PAK3: variants seen among roughly 807,000 people sequenced by gnomAD.
PAK3 encodes p21 (RAC1) activated kinase 3.
PAK3 carries 4 observed loss-of-function variants against 41.0 expected under a neutral mutation model. The ratio of observed to expected loss-of-function variants is 0.10; its 90% CI spans 0.05 to 0.22. PAK3 has a LOEUF of 0.22. Ranked by LOEUF, PAK3 falls within the 10% of genes least tolerant of loss-of-function variation. The pLI, the probability that PAK3 is intolerant of heterozygous loss-of-function variation, is 1.00. For synonymous variants in PAK3, 146 were observed against 139.6 expected (o/e 1.05, Z -0.32); for missense variants, 205 against 409.9 (o/e 0.50, Z 4.32).
rs1298650694 is a variant in PAK3, at chrX:111,209,989, C to T, written c.1408-6432C>T. Reference sequence around the variant, plus strand: ...TTTTCTCTTAGTACTTAGGTAAATTCAGTTGCACATCAGTGTCAGTGGAAA... The same window carrying T: ...TTTTCTCTTAGTACTTAGGTAAATTTAGTTGCACATCAGTGTCAGTGGAAA... On this transcript the variant is annotated intron_variant, in intron 16 of 17. Transcript: ENST00000372007. 2.7e-5 allele frequency among the ~76,000 whole-genome samples: 3 copies of T among 111,654 alleles called. No individual in the cohort carries two copies. The South Asian group carries it at 1.1e-3, about 42-fold the overall frequency.
At chrX:111,183,899 A>G (rs936073945) in intron 11 of PAK3, among the ~76,000 whole-genome samples, 11 of 111,607 alleles carry the variant, frequency 9.9e-5, no homozygotes, top group Admixed American at 1.9e-4. Context: ...TCGCATTTTA[A>G]TTGATGATGG....
chrX:111,025,209 C>A (rs1229842430), intron 1 of PAK3, among the ~76,000 whole-genome samples: 1 of 110,362 alleles, frequency 9.1e-6, no homozygotes, highest in Non-Finnish European at 1.9e-5. Context: ...TGAAAGAGCA[C>A]AAATCTAAGA....
chrX:110,947,972 A>G (rs1445403832), intron 1 of PAK3, among the ~76,000 whole-genome samples: 1 of 112,185 alleles, frequency 8.9e-6, no homozygotes, highest in Non-Finnish European at 1.9e-5. Flanking sequence ...CTTAGAAGAA[A>G]GGCTGTATGT....
intron 1 of PAK3, among the ~76,000 whole-genome samples, chrX:111,077,129 C>G (rs2092792574): frequency 9.0e-6 from 1 of 111,370 alleles, no homozygotes; most frequent in Admixed American, 9.5e-5. Flanking sequence ...ACACTGAAAA[C>G]TATAAAATAT....
At chrX:111,168,805 T>G (rs1465779545) in intron 10 of PAK3, among the ~76,000 whole-genome samples, 1 of 111,881 alleles carries the variant, frequency 8.9e-6, no homozygotes, top group Non-Finnish European at 1.9e-5. Flanking sequence ...AACTTAATAG[T>G]TAAACTTTTT....
rs1173289472 is a variant in PAK3, at chrX:111,220,934, A to G, written c.*487A>G. 5 of 86,708 alleles carry G rather than the reference A, an allele frequency of 5.8e-5. No homozygotes were observed. The highest frequency in any genetic ancestry group is 2.0e-4 in the African/African-American group (5 of 25,259). The allele number at this position is 86,708 out of a possible 1,213,427, so 7.1% of individuals were successfully genotyped here. ...ATGTTTTTCTAAAAAAAGAAAGCAA[A>G]AAAAGCAAGGCAAAAAAAAAAAAAA... On this transcript the variant is annotated 3_prime_UTR_variant, in exon 18 of 18. Coordinates refer to ENST00000372007, the MANE Select transcript of PAK3 (RefSeq NM_002578.5).
chrX:111,140,760 CACT>C (rs1362101887), intron 5 of PAK3, among the ~76,000 whole-genome samples: 1 of 111,773 alleles, frequency 8.9e-6, no homozygotes, highest in Non-Finnish European at 1.9e-5. Flanking sequence ...TAGTTCCTCT[CACT>C]ACTTCAGTTT....
intron 1 of PAK3, among the ~76,000 whole-genome samples, chrX:110,965,073 G>T (rs954160251): frequency 6.3e-5 from 7 of 111,915 alleles, no homozygotes; most frequent in African/African-American, 2.3e-4. Flanking sequence ...TCCAGACAGG[G>T]AGCTGATTAT....
chrX:110,973,483 G>T (rs949289737), intron 1 of PAK3, among the ~76,000 whole-genome samples: 1 of 111,780 alleles, frequency 8.9e-6, no homozygotes, highest in Non-Finnish European at 1.9e-5. Context: ...AAGTGAAGGA[G>T]AAATGAAATC....
chrX:111,195,135 GAT>G (rs2094599748), intron 14 of PAK3, among the ~76,000 whole-genome samples: 1 of 111,786 alleles, frequency 8.9e-6, no homozygotes, highest in Non-Finnish European at 1.9e-5. Context: ...GAAAACCAAT[GAT>G]AGAAAAACAA....
intron 16 of PAK3, among the ~76,000 whole-genome samples, chrX:111,199,967 CTGTGTTT>C (rs1226574641): frequency 3.6e-5 from 4 of 111,552 alleles, no homozygotes; most frequent in Non-Finnish European, 7.5e-5. Flanking sequence ...TTAATAGAAG[CTGTGTTT>C]TGTGTCTATA....
At chrX:111,145,015 C>G in intron 6 of PAK3, 1 of 514,620 alleles carries the variant, frequency 1.9e-6, no homozygotes, top group South Asian at 3.2e-5. Context: ...ACTGGACAAC[C>G]CCCAGCTTAA....
At position 111,045,190 on chromosome X, in the gene PAK3, G is replaced by T. The variant is rs182252076; in HGVS notation, c.-27-77887G>T. 7.1e-5 allele frequency among the ~76,000 whole-genome samples: 8 copies of T among 112,110 alleles called. No homozygotes were observed. In the East Asian group the frequency reaches 2.0e-3, roughly 28 times the overall value. On this transcript the variant is annotated intron_variant, in intron 1 of 14. Transcript: ENST00000425146. ...TCTGTCTGGAAAGATGCCAATAAGG[G>T]CAAGCAATTGGAAAGGTGCCCAAAA...
At chrX:111,199,632 G>C (rs949538936) in intron 16 of PAK3, among the ~76,000 whole-genome samples, 1 of 111,545 alleles carries the variant, frequency 9.0e-6, no homozygotes, top group Non-Finnish European at 1.9e-5. Context: ...CAACAGCTTG[G>C]TGGGTATTGA....
intron 1 of PAK3, among the ~76,000 whole-genome samples, chrX:111,047,931 T>C (rs1411208848): frequency 8.9e-6 from 1 of 111,850 alleles, no homozygotes; most frequent in East Asian, 2.8e-4. Context: ...TGAAAATCTT[T>C]TTTGGCTGCA....
chrX:111,204,941 ATTT>A (rs775428482), intron 16 of PAK3, among the ~76,000 whole-genome samples: 44 of 32,442 alleles, frequency 1.4e-3, no homozygotes, highest in African/African-American at 6.2e-3. Context: ...TCATCAGCAC[ATTT>A]TTTTTTTTTT....
intron 1 of PAK3, among the ~76,000 whole-genome samples, chrX:110,965,907 A>G (rs752058070): frequency 1.8e-5 from 2 of 111,683 alleles, no homozygotes; most frequent in South Asian, 7.6e-4. Flanking sequence ...AATTCGCCCA[A>G]CGTCACAAAT....
rs768252026 is a variant in PAK3, at chrX:110,949,170, G to C, written c.-28+4542G>C. Reference sequence around the variant, plus strand: ...GGGAGTGAGGATTGGCTCATTTGGTGGGACTTGGAGGTCATGTCCAGTTCT... The same window carrying C: ...GGGAGTGAGGATTGGCTCATTTGGTCGGACTTGGAGGTCATGTCCAGTTCT... On this transcript the variant is annotated intron_variant, in intron 1 of 14. Coordinates refer to the PAK3 transcript ENST00000425146. 2.7e-5 allele frequency among the ~76,000 whole-genome samples: 3 copies of C among 111,521 alleles called. No homozygotes were observed. In the East Asian group the frequency reaches 8.5e-4, roughly 32 times the overall value.
At chrX:111,201,360 G>A (rs762451554) in intron 16 of PAK3, among the ~76,000 whole-genome samples, 1 of 112,083 alleles carries the variant, frequency 8.9e-6, no homozygotes, top group African/African-American at 3.2e-5. Context: ...GAGAGAAAAA[G>A]GATCTAACAT....
Sources: allele counts gnomAD v4.1 joint callset (sites outside exome capture counted in the v4.1 genomes callset), GRCh38; gene constraint gnomAD v4.1.1; transcripts MANE v1.5; gene names NCBI Gene and HGNC (gene_info 2026-07-23, HGNC 2026-07-21).